Variants in ATP2B1 observed in about 807,000 individuals in gnomAD.
ATP2B1 encodes the protein plasma membrane calcium-transporting ATPase 1.
In ATP2B1, 14 loss-of-function variants were observed where a neutral mutation model predicts 124.2. The ratio of observed to expected loss-of-function variants is 0.11; its 90% confidence interval spans 0.07 to 0.18. ATP2B1 has a LOEUF of 0.18. Ranked by LOEUF, ATP2B1 falls within the 10% of genes least tolerant of loss-of-function variation. The probability of loss-of-function intolerance (pLI) is 1.00; values close to 1 mark genes in which losing one functional copy is unlikely to be tolerated. For synonymous variants in ATP2B1, 449 were observed against 492.4 expected, an observed-to-expected ratio of 0.91 and a Z score of 1.17; for missense variants, 763 against 1,466.1, an observed-to-expected ratio of 0.52 and a Z score of 7.83.
chr12:89,666,445 T>G (rs1297364405), intron 1 of ATP2B1, among the ~76,000 whole-genome samples: 1 of 152,212 alleles, frequency 6.6e-6, no homozygotes, highest in Admixed American at 6.5e-5. Context: ...GTGAACAACT[T>G]ATCTCACTTT....
intron 2 of ATP2B1, among the ~76,000 whole-genome samples, chr12:89,647,957 CT>C (rs1884725590): frequency 6.6e-6 from 1 of 152,182 alleles, no homozygotes; most frequent in Admixed American, 6.5e-5. Context: ...AGTAAAAGCA[CT>C]CTGAGACATC....
At chr12:89,699,572 C>T (rs1891573689) in intron 1 of ATP2B1, among the ~76,000 whole-genome samples, 1 of 152,124 alleles carries the variant, frequency 6.6e-6, no homozygotes, top group South Asian at 2.1e-4. Context: ...AAAATCAAAA[C>T]CCCCTGACTT....
rs150453861 is a variant in ATP2B1, at chr12:89,662,464, G to A, written c.-221-6357C>T. Among the ~76,000 whole-genome samples the A allele has an allele frequency of 4.5e-3, 686 of 152,120 alleles. 3 individuals carry two copies. Among genetic ancestry groups the A allele is most frequent in the African/African-American group, 0.015 (643 of 41,512 alleles). On this transcript the variant is annotated intron_variant, in intron 1 of 20. Coordinates refer to ENST00000428670, the MANE Select transcript of ATP2B1 (RefSeq NM_001366521.1). ...TACATTCAAATTATTTCATTAAAATGCTTTAAAGAAATCAAGGAATGACTC... is the reference window on the plus strand; with the variant it reads ...TACATTCAAATTATTTCATTAAAATACTTTAAAGAAATCAAGGAATGACTC...
chr12:89,704,303 A>T (rs1047596612), intron 1 of ATP2B1, among the ~76,000 whole-genome samples: 7 of 152,206 alleles, frequency 4.6e-5, no homozygotes, highest in Non-Finnish European at 8.8e-5. Flanking sequence ...TTAAAAATAT[A>T]GTATTTCAGA....
At chr12:89,659,878 G>A (rs1191502328) in intron 1 of ATP2B1, among the ~76,000 whole-genome samples, 1 of 146,548 alleles carries the variant, frequency 6.8e-6, no homozygotes, top group Non-Finnish European at 1.5e-5. Flanking sequence ...AGCGGAGATC[G>A]CGCCACTGCA....
chr12:89,704,495 G>T (rs1364536920), intron 1 of ATP2B1, among the ~76,000 whole-genome samples: 1 of 151,832 alleles, frequency 6.6e-6, no homozygotes, highest in Non-Finnish European at 1.5e-5. Flanking sequence ...TTACATAAAC[G>T]TGTATAATGA....
chr12:89,665,477 C>T (rs1308144334), intron 1 of ATP2B1, among the ~76,000 whole-genome samples: 1 of 152,128 alleles, frequency 6.6e-6, no homozygotes, highest in African/African-American at 2.4e-5. Context: ...TCTATTTAGG[C>T]ATTTTAGAAA....
chr12:89,601,019 C>T lies in ATP2B1; in HGVS notation c.3168+307G>A, dbSNP rs11105338. Among the ~76,000 whole-genome samples the T allele has an allele frequency of 8.1e-3, 1,226 of 152,028 alleles. 16 individuals are homozygous for T. The highest frequency in any genetic ancestry group is 0.028 in the African/African-American group (1,172 of 41,444). ...AAAATAGGTTATAGAGTAAAAGATA[C>T]AGATATTAGCATCCTAACCAGTTAT... On this transcript the variant is annotated intron_variant, in intron 19 of 20. Transcript: ENST00000428670.
At chr12:89,679,713 G>A (rs572647014) in intron 1 of ATP2B1, among the ~76,000 whole-genome samples, 6 of 152,214 alleles carry the variant, frequency 3.9e-5, no homozygotes, top group South Asian at 2.1e-4. Context: ...AAGACTCTAT[G>A]ACAAAAGAGA....
Position 89,601,421 on chromosome 12 carries a change from G to A in ATP2B1, c.3073C>T (p.Gln1025Ter). 1 of 1,553,574 alleles carries A rather than the reference G, an allele frequency of 6.4e-7. No individual in the cohort carries two copies. The highest frequency in any genetic ancestry group is 8.6e-7 in the Non-Finnish European group (1 of 1,157,378). The part of the protein sequence containing the change: ...GTFVVQIIIV[Q>*]FGGKPFSCSE... ...CAACTGAAAGGTTTTCCACCAAACT[G>A]CACAATTATTATCTGGAGGAATAAT... The change falls in exon 19 of 21, where the codon CAG becomes TAG. Residue 1025 changes from glutamine (Q) to a stop codon, truncating the protein, a stop_gained. Coordinates refer to ENST00000428670, the MANE Select transcript of ATP2B1 (RefSeq NM_001366521.1). LOFTEE classifies it high-confidence loss of function.
At chr12:89,698,605 G>A (rs1430175866) in intron 1 of ATP2B1, among the ~76,000 whole-genome samples, 2 of 152,120 alleles carry the variant, frequency 1.3e-5, no homozygotes, top group Non-Finnish European at 2.9e-5. Flanking sequence ...CACTTTAAGT[G>A]TAAAGTTTAT....
chr12:89,631,195 T>TA (rs1881814404), intron 5 of ATP2B1, among the ~76,000 whole-genome samples: 1 of 152,214 alleles, frequency 6.6e-6, no homozygotes, highest in Non-Finnish European at 1.5e-5. Context: ...TAATATTAGG[T>TA]AAATTTTAAC....
chr12:89,623,828 T>C (rs1565832698), intron 9 of ATP2B1, among the ~76,000 whole-genome samples: 1 of 152,234 alleles, frequency 6.6e-6, no homozygotes, highest in Non-Finnish European at 1.5e-5. Flanking sequence ...TTTTTTTTAA[T>C]TTTTAGAAAC....
In ATP2B1 at chr12:89,616,891, G is replaced by A; in HGVS notation, c.1978C>T (p.Pro660Ser). The change falls in exon 12 of 21, where the codon CCA becomes TCA. Residue 660 changes from proline (P) to serine (S), a missense_variant. By Grantham distance (74) the Pro-to-Ser change is moderately conservative. Transcript: ENST00000428670. ...LAFRDFPAGE[P>S]EPEWDNENDI... ...TTTTCATTATCCCACTCTGGTTCTG[G>A]TTCTCCTGCTGGAAAATCTCTGAAT... is the stretch of plus-strand genomic sequence containing the variant. 1 of 1,614,034 alleles carries A rather than the reference G, an allele frequency of 6.2e-7. No homozygotes were observed. Among genetic ancestry groups the A allele is most frequent in the Non-Finnish European group, 8.5e-7 (1 of 1,179,964 alleles).
At chr12:89,649,550 C>G (rs1285462287) in intron 2 of ATP2B1, among the ~76,000 whole-genome samples, 1 of 152,156 alleles carries the variant, frequency 6.6e-6, no homozygotes. Flanking sequence ...TGTTTTTGAT[C>G]TCACAGGCTC....
chr12:89,610,535 ATGCCCAAACATAG>A (rs2135998422), intron 13 of ATP2B1, 27 bp from the exon 14 acceptor site: 1 of 1,559,052 alleles, frequency 6.4e-7, no homozygotes, highest in Non-Finnish European at 8.8e-7. Context: ...AAGTTAAAAT[ATGCCCAAACATAG>A]TTTCTTAAAT....
At chr12:89,665,569 T>G (rs1326211354) in intron 1 of ATP2B1, among the ~76,000 whole-genome samples, 1 of 152,244 alleles carries the variant, frequency 6.6e-6, no homozygotes, top group Non-Finnish European at 1.5e-5. Context: ...TATAATCCTG[T>G]GCAGTTTACC....
intron 1 of ATP2B1, among the ~76,000 whole-genome samples, chr12:89,707,458 GA>G (rs1892603658): frequency 6.6e-6 from 1 of 152,026 alleles, no homozygotes; most frequent in African/African-American, 2.4e-5. Flanking sequence ...ACACACGTAT[GA>G]AAAAAATCTA....
chr12:89,609,928 A>T lies in ATP2B1; in HGVS notation c.2442+9T>A, dbSNP rs530293857. On this transcript the variant is annotated intron_variant, in intron 15 of 20. Transcript: ENST00000428670. ...TTACGTTTGGATATTTGAATGAGTAAATTCTTACCATTGCAAATCCAACAT... is the reference window on the plus strand; with the variant it reads ...TTACGTTTGGATATTTGAATGAGTATATTCTTACCATTGCAAATCCAACAT... The T allele has an allele frequency of 5.0e-6, 8 of 1,610,460 alleles. No individual in the cohort carries two copies. In the East Asian group the frequency reaches 1.6e-4, roughly 31 times the overall value.
Sources: allele counts gnomAD v4.1 joint callset (sites outside exome capture counted in the v4.1 genomes callset), GRCh38; gene constraint gnomAD v4.1.1; transcripts MANE v1.5; gene names NCBI Gene and HGNC (gene_info 2026-07-23, HGNC 2026-07-21).